Variants in ATP9A observed in about 807,000 individuals in gnomAD.
ATP9A encodes probable phospholipid-transporting ATPase IIA.
In ATP9A, 52 loss-of-function variants were observed where a neutral mutation model predicts 144.1. The ratio of observed to expected loss-of-function variants is 0.36; its 90% CI spans 0.29 to 0.45. The LOEUF (loss-of-function observed/expected upper bound fraction) is 0.45, where lower values mean the gene tolerates loss of function less well. Among genes scored for constraint, ATP9A ranks in the 20% least tolerant of loss-of-function variants. The probability of loss-of-function intolerance (pLI) is 1.00; values close to 1 mark genes in which losing one functional copy is unlikely to be tolerated. For synonymous variants in ATP9A, 582 were observed against 557.4 expected, an observed-to-expected ratio of 1.04 and a Z score of -0.62; for missense variants, 947 against 1,392.7, an observed-to-expected ratio of 0.68 and a Z score of 5.09.
intron 1 of ATP9A, among the ~76,000 whole-genome samples, chr20:51,767,159 A>G (rs1047781501): frequency 1.3e-5 from 2 of 151,106 alleles, no homozygotes; most frequent in Admixed American, 1.3e-4. Flanking sequence ...TGTTCCGAGC[A>G]ACTGACGCTG....
At chr20:51,610,714 C>T (rs575085279) in intron 23 of ATP9A, among the ~76,000 whole-genome samples, 155 of 152,162 alleles carry the variant, frequency 1.0e-3, no homozygotes, top group African/African-American at 3.5e-3. Flanking sequence ...TAGGCATGCA[C>T]GCTGCTAACC....
intron 24 of ATP9A, among the ~76,000 whole-genome samples, chr20:51,609,055 T>C (rs954730643): frequency 6.6e-6 from 1 of 151,444 alleles, no homozygotes. Context: ...AGGAAGAGCA[T>C]TCCAGGGAGA....
rs1453626117 is a variant in ATP9A at position 51,625,186 on chromosome 20, C to T, written c.2016+6G>A. ...AGTGCCCTTCCCTGCGGGCAGCCCG[C>T]CCTACCTTGATGCCAGCATTCCTCA... On this transcript the variant is annotated splice_donor_region_variant and intron_variant, in intron 18 of 27. Transcript: ENST00000338821. The T allele has an allele frequency of 6.2e-7, 1 of 1,608,448 alleles. No homozygotes were observed. Among genetic ancestry groups the T allele is most frequent in the East Asian group, 2.2e-5 (1 of 44,868 alleles).
Position 51,741,033 on chromosome 20 carries a change from A to ATTTAATTAATTAAAAATAAAT in ATP9A, c.69-11076_69-11056dup, listed in dbSNP as rs1289930857. On this transcript the variant is annotated intron_variant, in intron 1 of 27. Transcript: ENST00000338821. ...TTCAATTAATTAAAATTAAATTTTA[A>ATTTAATTAATTAAAAATAAAT]TTTAATTAATTAAAAATAAATTTTA... Among the ~76,000 whole-genome samples the ATTTAATTAATTAAAAATAAAT allele has an allele frequency of 1.9e-4, 18 of 95,914 alleles. No individual in the cohort carries two copies. In the East Asian group the frequency reaches 5.2e-3, roughly 28 times the overall value. 62.9% of individuals were successfully genotyped at this position (95,914 alleles called of 152,430 possible).
chr20:51,673,913 G>A (rs1382836600), intron 11 of ATP9A, among the ~76,000 whole-genome samples: 1 of 152,084 alleles, frequency 6.6e-6, no homozygotes, highest in Non-Finnish European at 1.5e-5. Flanking sequence ...AGCCAGGCAT[G>A]GTGGTGCATG....
chr20:51,766,055 T>G (rs1419387439), intron 1 of ATP9A, among the ~76,000 whole-genome samples: 1 of 152,242 alleles, frequency 6.6e-6, no homozygotes, highest in Non-Finnish European at 1.5e-5. Context: ...AATAAAATTA[T>G]CTGCACCACT....
At chr20:51,767,315 T>C (rs2077909250) in intron 1 of ATP9A, among the ~76,000 whole-genome samples, 1 of 151,962 alleles carries the variant, frequency 6.6e-6, no homozygotes. Context: ...GAGCTGCACA[T>C]CTCCAGGCCC....
intron 19 of ATP9A, among the ~76,000 whole-genome samples, chr20:51,620,790 A>AG (rs928147250): frequency 4.6e-5 from 7 of 151,986 alleles, no homozygotes; most frequent in African/African-American, 1.7e-4. Context: ...GGCTGAAAGG[A>AG]GGGGGGAGTG....
Position 51,756,535 on chromosome 20 carries a change from C to A in ATP9A, c.68+11767G>T, listed in dbSNP as rs552400498. On this transcript the variant is annotated intron_variant, in intron 1 of 27. Coordinates refer to ENST00000338821, the MANE Select transcript of ATP9A (RefSeq NM_006045.3). The stretch of plus-strand genomic sequence containing the variant: ...TGAACTCCTGACCTCAGGTGATCCA[C>A]CTGCCTCAGCCTCCTAAAGTTCTGG... 7.9e-5 allele frequency among the ~76,000 whole-genome samples: 12 copies of A among 152,234 alleles called. No individual in the cohort carries two copies. The East Asian group carries it at 1.5e-3, about 20-fold the overall frequency.
intron 9 of ATP9A, among the ~76,000 whole-genome samples, 156 bp downstream of exon 9, chr20:51,688,908 T>C (rs190639356): frequency 3.3e-4 from 51 of 152,278 alleles, no homozygotes; most frequent in Admixed American, 7.2e-4. Flanking sequence ...GAGCTGCAAT[T>C]AGATGTCAGT....
chr20:51,636,137 A>T (rs2077291287), intron 15 of ATP9A, among the ~76,000 whole-genome samples: 1 of 152,212 alleles, frequency 6.6e-6, no homozygotes, highest in Non-Finnish European at 1.5e-5. Flanking sequence ...CTGTAATAAA[A>T]GTAAATAAGA....
intron 14 of ATP9A, among the ~76,000 whole-genome samples, chr20:51,643,391 T>C (rs954063248): frequency 6.6e-6 from 1 of 152,244 alleles, no homozygotes; most frequent in African/African-American, 2.4e-5. Flanking sequence ...CTATAGACTA[T>C]GTTTATGTCC....
chr20:51,653,305 G>A (rs1316095913), intron 14 of ATP9A, among the ~76,000 whole-genome samples: 1 of 151,968 alleles, frequency 6.6e-6, no homozygotes, highest in African/African-American at 2.4e-5. Flanking sequence ...GCCGAGAAGT[G>A]CAAAGCATTC....
At chr20:51,766,764 C>T (rs1216271501) in intron 1 of ATP9A, among the ~76,000 whole-genome samples, 2 of 151,998 alleles carry the variant, frequency 1.3e-5, no homozygotes, top group Non-Finnish European at 2.9e-5. Context: ...TGCTTGAACC[C>T]GGGAGGCGGA....
intron 3 of ATP9A, 40 bp from the exon 4 acceptor site, chr20:51,713,114 G>A (rs377190217): frequency 6.4e-7 from 1 of 1,555,882 alleles, no homozygotes. Flanking sequence ...TACAGGCAGT[G>A]AGCCCTGCTG....
intron 15 of ATP9A, among the ~76,000 whole-genome samples, chr20:51,632,332 T>C (rs1272077054): frequency 6.6e-6 from 1 of 152,214 alleles, no homozygotes; most frequent in Admixed American, 6.5e-5. Context: ...TCCTCCTGCC[T>C]TGGCCTCCCA....
chr20:51,690,283 A>G (rs1157968032), intron 8 of ATP9A, among the ~76,000 whole-genome samples: 6 of 151,656 alleles, frequency 4.0e-5, no homozygotes, highest in African/African-American at 1.5e-4. Context: ...AGCTGGGCGC[A>G]GTGGCGGGCG....
intron 1 of ATP9A, among the ~76,000 whole-genome samples, chr20:51,765,367 T>G (rs976315259): frequency 1.3e-5 from 2 of 152,096 alleles, no homozygotes; most frequent in Middle Eastern, 3.2e-3. Context: ...GTTTAAGAAA[T>G]AGATTGGCCA....
chr20:51,658,811 T>C (rs957122774), intron 13 of ATP9A, among the ~76,000 whole-genome samples: 3 of 139,646 alleles, frequency 2.1e-5, no homozygotes, highest in Non-Finnish European at 3.0e-5. Context: ...TGAGCCACCG[T>C]GCCCGACCCC....
Sources: gnomAD v4.1 joint callset for allele counts (sites outside exome capture counted in the v4.1 genomes callset) on GRCh38, gnomAD v4.1.1 for gene constraint, MANE v1.5 for transcripts, NCBI Gene and HGNC (gene_info 2026-07-23, HGNC 2026-07-21) for gene names.